SLC48A1: variants seen among roughly 807,000 people sequenced by gnomAD.
SLC48A1 encodes heme transporter HRG1.
In SLC48A1, 6 loss-of-function variants were observed where a neutral mutation model predicts 14.8. That is an observed-to-expected ratio of 0.41 (90% CI 0.22 to 0.80). The LOEUF is 0.80. Ranked by LOEUF, SLC48A1 falls within the 30% of genes least tolerant of loss-of-function variation. The pLI, the probability that SLC48A1 is intolerant of heterozygous loss-of-function variation, is 0.34. For missense variants in SLC48A1, 165 were observed against 204.8 expected, an observed-to-expected ratio of 0.81 and a Z score of 1.19; for synonymous variants, 89 against 90.0, an observed-to-expected ratio of 0.99 and a Z score of 0.06.
chr12:47,762,298 A>C (rs1426560738), intron 2 of SLC48A1, among the ~76,000 whole-genome samples: 3 of 152,088 alleles, frequency 2.0e-5, no homozygotes, highest in African/African-American at 7.2e-5. Flanking sequence ...CTCTTTGCTG[A>C]GCTCTACACA....
upstream of SLC48A1, chr12:47,769,535 T>C (rs1942583941): frequency 6.6e-6 from 1 of 152,262 alleles, no homozygotes; most frequent in African/African-American, 2.4e-5. Context: ...CTTTATCCTC[T>C]ACAATTTTCC....
upstream of SLC48A1, among the ~76,000 whole-genome samples, chr12:47,768,233 T>C (rs1409966122): frequency 1.3e-5 from 2 of 152,164 alleles, no homozygotes; most frequent in Non-Finnish European, 2.9e-5. Context: ...CACCTCAGCC[T>C]CCCAAAGTGC....
rs777784689 is a variant in SLC48A1 at position 47,773,282 on chromosome 12, G to A, written c.-23G>A. ...GTGACTCTCGGCCGCGCTCGCCCTC[G>A]GCCCGCCCGGCGCCGCAGCCCCATG... On this transcript the variant is annotated 5_prime_UTR_variant, in exon 1 of 3. Coordinates refer to ENST00000442218, the MANE Select transcript of SLC48A1 (RefSeq NM_017842.3). 1.4e-6 allele frequency: 2 copies of A among 1,396,296 alleles called. No individual in the cohort carries two copies. Among genetic ancestry groups the A allele is most frequent in the African/African-American group, 1.5e-5 (1 of 66,152 alleles). The allele number at this position is 1,396,296 out of a possible 1,614,324, so 86.5% of individuals were successfully genotyped here. A position where few individuals can be genotyped will look rare whatever the true frequency, so the allele number is the denominator to read the frequency against.
chr12:47,768,951 T>C (rs1942572150), upstream of SLC48A1: 1 of 152,234 alleles, frequency 6.6e-6, no homozygotes, highest in African/African-American at 2.4e-5. Context: ...TCATATTCTA[T>C]AGTCCAGTGA....
upstream of SLC48A1, chr12:47,756,487 C>A (rs1265431183): frequency 1.3e-5 from 2 of 152,172 alleles, no homozygotes. Context: ...AAGGAAGACC[C>A]TAGTAGAGAA....
rs1466132266 is a variant in SLC48A1, at chr12:47,773,444, C to A, written c.136+4C>A. ...GCGGCCATGGGAGGGCTCGCAGGTACCCCGGGACGCTGGGCGGCGCGGGGC... is the reference window on the plus strand; with the variant it reads ...GCGGCCATGGGAGGGCTCGCAGGTAACCCGGGACGCTGGGCGGCGCGGGGC... On this transcript the variant is annotated splice_donor_region_variant and intron_variant, in intron 1 of 2. Coordinates refer to ENST00000442218, the MANE Select transcript of SLC48A1 (RefSeq NM_017842.3). 2.2e-6 allele frequency: 3 copies of A among 1,374,484 alleles called. No individual in the cohort carries two copies. The African/African-American group carries it at 4.6e-5, about 21-fold the overall frequency. The allele number at this position is 1,374,484 out of a possible 1,614,324, so 85.1% of individuals were successfully genotyped here.
exon 2 of SLC48A1, chr12:47,760,392 G>A: frequency 1.0e-6 from 1 of 985,438 alleles, no homozygotes; most frequent in Non-Finnish European, 1.2e-6. Flanking sequence ...TGACAAGTTG[G>A]GAGTCACAGG....
upstream of SLC48A1, chr12:47,758,155 A>C (rs1447935836): frequency 6.7e-7 from 1 of 1,501,046 alleles, no homozygotes; most frequent in African/African-American, 1.4e-5. Flanking sequence ...TGCCCCAGGC[A>C]GAACTACTTC....
chr12:47,769,159 T>G (rs1373087774), upstream of SLC48A1: 2 of 152,234 alleles, frequency 1.3e-5, no homozygotes, highest in African/African-American at 4.8e-5. Flanking sequence ...CAGAACCTGA[T>G]CCCATGGCAT....
rs757281264 is a variant in SLC48A1 at position 47,780,852 on chromosome 12, C to A, written c.*571C>A. The A allele has an allele frequency of 1.9e-6, 1 of 522,992 alleles. No homozygotes were observed. Among genetic ancestry groups the A allele is most frequent in the South Asian group, 1.4e-5 (1 of 70,026 alleles). 32.4% of individuals were successfully genotyped at this position (522,992 alleles called of 1,614,324 possible). ...AAAGTGCTGGGATTATAGGTGTGAG[C>A]CACCGTGCCCGGCCTGGATCTGTTT... On this transcript the variant is annotated 3_prime_UTR_variant, in exon 3 of 3. Coordinates refer to ENST00000442218, the MANE Select transcript of SLC48A1 (RefSeq NM_017842.3).
chr12:47,767,937 A>G (rs181853745), upstream of SLC48A1, among the ~76,000 whole-genome samples: 551 of 152,344 alleles, frequency 3.6e-3, 3 homozygotes, highest in African/African-American at 0.012. Flanking sequence ...TGATTGAAGC[A>G]GGGGAGTACC....
upstream of SLC48A1, chr12:47,758,278 C>T (rs1237959496): frequency 7.0e-6 from 10 of 1,430,438 alleles, no homozygotes; most frequent in Non-Finnish European, 9.1e-6. Flanking sequence ...TTAGGGGTCT[C>T]CAGCTGGCTC....
upstream of SLC48A1, chr12:47,772,084 TA>T (rs1942639719): frequency 6.5e-6 from 1 of 154,810 alleles, no homozygotes; most frequent in Admixed American, 6.5e-5. Context: ...TGTGTTATTT[TA>T]AATCAGTAAA....
chr12:47,776,714 C>T (rs559767699), intron 1 of SLC48A1, among the ~76,000 whole-genome samples: 1 of 152,182 alleles, frequency 6.6e-6, no homozygotes, highest in African/African-American at 2.4e-5. Flanking sequence ...CCCCAAATGG[C>T]TGTCTTCCTC....
intron 2 of SLC48A1, among the ~76,000 whole-genome samples, chr12:47,765,072 G>A (rs1169844269): frequency 1.4e-5 from 1 of 70,172 alleles, no homozygotes; most frequent in Non-Finnish European, 2.5e-5. Context: ...GTGAGACTCT[G>A]TCTCAAAAAA....
At chr12:47,768,326 T>C (rs1942559908), upstream of SLC48A1, among the ~76,000 whole-genome samples, 1 of 151,918 alleles carries the variant, frequency 6.6e-6, no homozygotes, top group Admixed American at 6.6e-5. Context: ...GGAGAGAGGA[T>C]TAGAGGGGGA....
At position 47,773,310 on chromosome 12, in the gene SLC48A1, C is replaced by G. The variant is rs1383756977; in HGVS notation, c.6C>G (p.Ala2=). 6 of 1,460,412 alleles carry G rather than the reference C, an allele frequency of 4.1e-6. No individual in the cohort carries two copies. The highest frequency in any genetic ancestry group is 1.5e-5 in the African/African-American group (1 of 67,592). 90.5% of individuals were successfully genotyped at this position (1,460,412 alleles called of 1,614,324 possible). The stretch of plus-strand genomic sequence containing the variant: ...CCGCCCGGCGCCGCAGCCCCATGGC[C>G]CCGTCCAGGCTGCAGCTCGGCCTCC... M[A]PSRLQLGLRA... Residue 2 remains alanine, a synonymous_variant, in exon 1 of 3, where the codon GCC becomes GCG. Transcript: ENST00000442218.
Position 47,773,380 on chromosome 12 carries a change from T to G in SLC48A1, c.76T>G (p.Phe26Val). ...CAGCTCCGTGGCCGGCTTCTCCATCTTCCTCGTCTGGACGGTGGTCTACCG... is the reference window on the plus strand; with the variant it reads ...CAGCTCCGTGGCCGGCTTCTCCATCGTCCTCGTCTGGACGGTGGTCTACCG... ...GISSVAGFSI[F>V]LVWTVVYRQP... The change falls in exon 1 of 3, where the codon TTC becomes GTC. Residue 26 changes from phenylalanine to valine, a missense_variant. Phe to Val is a conservative substitution (Grantham distance 50). Transcript: ENST00000442218. 1 of 1,477,626 alleles carries G rather than the reference T, an allele frequency of 6.8e-7. No individual in the cohort carries two copies. Among genetic ancestry groups the G allele is most frequent in the Non-Finnish European group, 9.0e-7 (1 of 1,113,222 alleles). The allele number at this position is 1,477,626 out of a possible 1,614,324, so 91.5% of individuals were successfully genotyped here. A position where few individuals can be genotyped will look rare whatever the true frequency, so the allele number is the denominator to read the frequency against.
At position 47,779,042 on chromosome 12, in the gene SLC48A1, T is replaced by C; in HGVS notation, c.151T>C (p.Trp51Arg). 2 of 1,551,666 alleles carry C rather than the reference T, an allele frequency of 1.3e-6. No individual in the cohort carries two copies. Residue 51 changes from tryptophan (W) to arginine (R), a missense_variant, in exon 2 of 3, where the codon TGG becomes CGG. Trp to Arg is a moderately radical substitution (Grantham distance 101). Coordinates refer to ENST00000442218, the MANE Select transcript of SLC48A1 (RefSeq NM_017842.3). ...CTCTCCTGCAGGGGTGCTGGCACTG[T>C]GGGTCCTGGTGACGCACGTGATGTA... ...MGGLAGVLAL[W>R]VLVTHVMYMQ...
Sources: allele counts gnomAD v4.1 joint callset (sites outside exome capture counted in the v4.1 genomes callset), GRCh38; gene constraint gnomAD v4.1.1; transcripts MANE v1.5; gene names NCBI Gene and HGNC (gene_info 2026-07-23, HGNC 2026-07-21).